MRTFA: variants seen among roughly 807,000 people sequenced by gnomAD.
MRTFA encodes the protein myocardin related transcription factor A, also known as myocardin-related transcription factor A.
A neutral mutation model predicts 83.5 loss-of-function variants in MRTFA; 20 were observed. The ratio of observed to expected loss-of-function variants is 0.24; its 90% confidence interval spans 0.17 to 0.35. MRTFA has a LOEUF of 0.35. Ranked by LOEUF, MRTFA falls within the 10% of genes least tolerant of loss-of-function variation. The pLI is 1.00. For missense variants in MRTFA, 1,200 were observed against 1,224.7 expected, an observed-to-expected ratio of 0.98 and a Z score of 0.30; for synonymous variants, 659 against 541.2, an observed-to-expected ratio of 1.22 and a Z score of -3.02.
chr22:40,579,737 A>G (rs1414794589), intron 2 of MRTFA, among the ~76,000 whole-genome samples: 3 of 152,000 alleles, frequency 2.0e-5, no homozygotes, highest in Admixed American at 6.6e-5. Flanking sequence ...GCAGGCGCCT[A>G]TAATCCCAGC....
At chr22:40,612,791 A>G (rs2056401956) in intron 1 of MRTFA, among the ~76,000 whole-genome samples, 1 of 152,174 alleles carries the variant, frequency 6.6e-6, no homozygotes, top group African/African-American at 2.4e-5. Context: ...CTACAAAACA[A>G]TGTTTAAAAC....
At chr22:40,602,502 G>A (rs1275630740) in intron 1 of MRTFA, among the ~76,000 whole-genome samples, 1 of 152,058 alleles carries the variant, frequency 6.6e-6, no homozygotes, top group Non-Finnish European at 1.5e-5. Flanking sequence ...GTCACAGCAG[G>A]GCTAGGACTT....
chr22:40,620,488 G>A (rs2044062848), intron 1 of MRTFA, among the ~76,000 whole-genome samples: 1 of 148,778 alleles, frequency 6.7e-6, no homozygotes. Flanking sequence ...TGGCCAGGGT[G>A]GTTTTGAACT....
At chr22:40,590,368 C>G (rs35898643) in intron 2 of MRTFA, among the ~76,000 whole-genome samples, 7,217 of 151,928 alleles carry the variant, frequency 0.048, 222 homozygotes, top group Middle Eastern at 0.11. Context: ...GTAGGTAAGC[C>G]TTTAAAAAGC....
chr22:40,574,046 G>C (rs1035989395), intron 2 of MRTFA, among the ~76,000 whole-genome samples: 1 of 152,024 alleles, frequency 6.6e-6, no homozygotes, highest in African/African-American at 2.4e-5. Context: ...CACTATGACA[G>C]GTCTCTGCAT....
chr22:40,554,518 T>G (rs1452067660), intron 2 of MRTFA, among the ~76,000 whole-genome samples: 1 of 152,160 alleles, frequency 6.6e-6, no homozygotes, highest in East Asian at 1.9e-4. Flanking sequence ...CCTGCCACCT[T>G]GTGAAGAAGG....
intron 2 of MRTFA, among the ~76,000 whole-genome samples, chr22:40,566,371 C>T (rs2055703362): frequency 1.3e-5 from 2 of 151,992 alleles, no homozygotes; most frequent in South Asian, 4.2e-4. Flanking sequence ...AGGTGCCCAC[C>T]GCCACACCTG....
intron 3 of MRTFA, among the ~76,000 whole-genome samples, chr22:40,487,591 T>C (rs1334363788): frequency 6.6e-6 from 1 of 152,214 alleles, no homozygotes; most frequent in Non-Finnish European, 1.5e-5. Flanking sequence ...ACCTAATGCC[T>C]TGACTGGTGT....
chr22:40,490,629 A>T (rs1238438382), intron 3 of MRTFA, among the ~76,000 whole-genome samples: 1 of 151,938 alleles, frequency 6.6e-6, no homozygotes, highest in Non-Finnish European at 1.5e-5. Flanking sequence ...AAAAGAAGAA[A>T]AAAAATATTC....
intron 2 of MRTFA, among the ~76,000 whole-genome samples, chr22:40,590,395 G>A (rs73887839): frequency 4.0e-5 from 6 of 151,824 alleles, no homozygotes; most frequent in South Asian, 2.1e-4. Flanking sequence ...GTAGCCGGGC[G>A]CGGTGGCTCA....
At chr22:40,596,282 A>AG (rs1249595650) in intron 1 of MRTFA, among the ~76,000 whole-genome samples, 1 of 152,218 alleles carries the variant, frequency 6.6e-6, no homozygotes, top group East Asian at 1.9e-4. Flanking sequence ...GAAAGATAAA[A>AG]GAAAATAAAT....
intron 3 of MRTFA, among the ~76,000 whole-genome samples, chr22:40,505,125 A>G (rs973539937): frequency 1.3e-5 from 2 of 152,240 alleles, no homozygotes; most frequent in Admixed American, 6.5e-5. Flanking sequence ...CTGTCTTTCA[A>G]CAGATGCTCA....
At chr22:40,442,198 TTAAG>T (rs1414787083) in intron 4 of MRTFA, among the ~76,000 whole-genome samples, 20 of 152,234 alleles carry the variant, frequency 1.3e-4, no homozygotes, top group African/African-American at 4.8e-4. Context: ...GGAATATGTA[TTAAG>T]TGTCTAGGTC....
chr22:40,411,208 C>T lies in MRTFA; in HGVS notation c.*182G>A. On this transcript the variant is annotated 3_prime_UTR_variant, in exon 15 of 15. Transcript: ENST00000355630. ...CTTCTTGACAGCTGCTCTCCTCTGC[C>T]CTGCGTGGCACTGAACCAGGAGTAA... 1 of 593,054 alleles carries T rather than the reference C, an allele frequency of 1.7e-6. No individual in the cohort carries two copies. Among genetic ancestry groups the T allele is most frequent in the Non-Finnish European group, 2.8e-6 (1 of 360,188 alleles). The allele number at this position is 593,054 out of a possible 1,614,324, so 36.7% of individuals were successfully genotyped here. A position where few individuals can be genotyped will look rare whatever the true frequency, so the allele number is the denominator to read the frequency against.
At chr22:40,602,705 G>A (rs1052620803) in intron 1 of MRTFA, among the ~76,000 whole-genome samples, 2 of 151,778 alleles carry the variant, frequency 1.3e-5, no homozygotes, top group Non-Finnish European at 1.5e-5. Flanking sequence ...AAATTAGCGA[G>A]GCGTGGTGGC....
intron 3 of MRTFA, among the ~76,000 whole-genome samples, chr22:40,551,147 T>C (rs965095774): frequency 6.6e-6 from 1 of 152,044 alleles, no homozygotes; most frequent in African/African-American, 2.4e-5. Context: ...CTTTATACAT[T>C]TTCTCAAATC....
rs556198867 is a variant in MRTFA at position 40,554,134 on chromosome 22, C to T, written c.-21-1767G>A. Among the ~76,000 whole-genome samples the T allele has an allele frequency of 7.2e-5, 11 of 152,260 alleles. No individual in the cohort carries two copies. The East Asian group carries it at 9.7e-4, about 13-fold the overall frequency. ...ATCTAGGAAGTAACTAACTTGCTTT[C>T]GATTTTACAGGCTCATAGGTGGAAG... On this transcript the variant is annotated intron_variant, in intron 2 of 14. Transcript: ENST00000355630.
Position 40,429,032 on chromosome 22 carries a change from C to T in MRTFA, c.601+574G>A, listed in dbSNP as rs180691645. On this transcript the variant is annotated intron_variant, in intron 7 of 14. Transcript: ENST00000355630. ...ACCCTCCTCTGTGTTTCCAAAGTAC[C>T]CTGTGCTCCCTCCAGCACAGCTTCT... Among the ~76,000 whole-genome samples, 285 of 152,284 alleles carry T rather than the reference C, an allele frequency of 1.9e-3. 2 individuals are homozygous for T. The highest frequency in any genetic ancestry group is 7.7e-3 in the South Asian group (37 of 4,824).
chr22:40,550,446 A>G (rs1850048580), intron 3 of MRTFA, among the ~76,000 whole-genome samples: 1 of 152,226 alleles, frequency 6.6e-6, no homozygotes, highest in African/African-American at 2.4e-5. Flanking sequence ...AGACCAGTCA[A>G]AGAAAAGAGA....
Sources: gnomAD v4.1 joint callset for allele counts (sites outside exome capture counted in the v4.1 genomes callset) on GRCh38, gnomAD v4.1.1 for gene constraint, MANE v1.5 for transcripts, NCBI Gene and HGNC (gene_info 2026-07-23, HGNC 2026-07-21) for gene names.